The following RAPGEF4 variants were observed in gnomAD, a reference collection of about 807,000 sequenced individuals.
RAPGEF4 encodes RAP guanine-nucleotide-exchange factor (GEF) 4.
Under a neutral mutation model 147.9 loss-of-function variants are expected in RAPGEF4, and 66 were observed. The ratio of observed to expected loss-of-function variants is 0.45; its 90% CI spans 0.37 to 0.55. The LOEUF is 0.55. Ranked by LOEUF, RAPGEF4 falls within the 20% of genes least tolerant of loss-of-function variation. The pLI, the probability that RAPGEF4 is intolerant of heterozygous loss-of-function variation, is 0.00. For missense variants in RAPGEF4, 1,071 were observed against 1,257.3 expected, an observed-to-expected ratio of 0.85 and a Z score of 2.24; for synonymous variants, 419 against 442.7, an observed-to-expected ratio of 0.95 and a Z score of 0.67.
intron 3 of RAPGEF4, among the ~76,000 whole-genome samples, chr2:172,804,203 T>A (rs1192629218): frequency 6.6e-6 from 1 of 152,224 alleles, no homozygotes; most frequent in African/African-American, 2.4e-5. Flanking sequence ...ACATGGGGTG[T>A]AACTATTCTA....
chr2:172,794,903 C>G, intron 1 of RAPGEF4, 122 bp from the exon 2 acceptor site: 2 of 972,026 alleles, frequency 2.1e-6, no homozygotes, highest in Non-Finnish European at 3.1e-6. Flanking sequence ...TAAATATTTG[C>G]AATGAAATAT....
intron 4 of RAPGEF4, among the ~76,000 whole-genome samples, chr2:172,863,976 C>T (rs911569618): frequency 6.6e-6 from 1 of 152,046 alleles, no homozygotes; most frequent in Non-Finnish European, 1.5e-5. Context: ...CAATAATCAC[C>T]AGGATAGAAA....
chr2:172,885,935 G>A (rs1220359920), intron 4 of RAPGEF4, among the ~76,000 whole-genome samples: 1 of 152,178 alleles, frequency 6.6e-6, no homozygotes, highest in African/African-American at 2.4e-5. Flanking sequence ...GGTGCCCTGA[G>A]TGCCATGGCT....
At chr2:172,947,425 G>A (rs1477179310) in intron 6 of RAPGEF4, among the ~76,000 whole-genome samples, 1 of 152,096 alleles carries the variant, frequency 6.6e-6, no homozygotes, top group African/African-American at 2.4e-5. Flanking sequence ...TTCCAGAATC[G>A]CTGAAGGAAT....
Position 172,934,721 on chromosome 2 carries a change from A to G in RAPGEF4, c.537+12421A>G, listed in dbSNP as rs923395267. Among the ~76,000 whole-genome samples, 3 of 147,804 alleles carry G rather than the reference A, an allele frequency of 2.0e-5. No individual in the cohort carries two copies. The Admixed American group carries it at 2.1e-4, about 10-fold the overall frequency. On this transcript the variant is annotated intron_variant, in intron 6 of 30. Transcript: ENST00000397081. The stretch of plus-strand genomic sequence containing the variant: ...AGGATTTCTGAGACAACAGTGTTTC[A>G]TTTCATCTGTTATGGTTGCAGTAAA...
intron 4 of RAPGEF4, among the ~76,000 whole-genome samples, chr2:172,905,230 G>T (rs1699504955): frequency 6.6e-6 from 1 of 151,782 alleles, no homozygotes; most frequent in Admixed American, 6.6e-5. Context: ...TTCCTTTCCG[G>T]CATCTAGCGT....
chr2:172,755,155 G>A (rs1695653191), intron 1 of RAPGEF4, among the ~76,000 whole-genome samples: 1 of 152,150 alleles, frequency 6.6e-6, no homozygotes, highest in African/African-American at 2.4e-5. Context: ...CTACATTATG[G>A]TGATGAAAGC....
rs1408471136 is a variant in RAPGEF4 at position 172,735,971 on chromosome 2, G to C, written c.-13G>C. The C allele has an allele frequency of 2.7e-6, 4 of 1,457,832 alleles. No homozygotes were observed. Among genetic ancestry groups the C allele is most frequent in the Non-Finnish European group, 2.7e-6 (3 of 1,102,414 alleles). 90.3% of individuals were successfully genotyped at this position (1,457,832 alleles called of 1,614,324 possible). A position where few individuals can be genotyped will look rare whatever the true frequency, so the allele number is the denominator to read the frequency against. ...GTCGCCGCAGCCAGGGACACCGCGCGCCGCCGCTCAACATGGTCGCTGCGC... is the reference window on the plus strand; with the variant it reads ...GTCGCCGCAGCCAGGGACACCGCGCCCCGCCGCTCAACATGGTCGCTGCGC... On this transcript the variant is annotated 5_prime_UTR_variant, in exon 1 of 31. Transcript: ENST00000397081.
At chr2:172,934,147 C>CTTTT (rs5836396) in intron 6 of RAPGEF4, among the ~76,000 whole-genome samples, 54 of 99,118 alleles carry the variant, frequency 5.4e-4, no homozygotes, top group East Asian at 1.6e-3. Flanking sequence ...TTATTTAATC[C>CTTTT]TTTTTTTTTT....
At chr2:172,917,224 A>G (rs1684162962) in intron 4 of RAPGEF4, among the ~76,000 whole-genome samples, 1 of 152,226 alleles carries the variant, frequency 6.6e-6, no homozygotes, top group Admixed American at 6.5e-5. Flanking sequence ...AAATAGTTCT[A>G]AATTAAGCTA....
intron 1 of RAPGEF4, among the ~76,000 whole-genome samples, chr2:172,742,405 G>A (rs1694378175): frequency 1.3e-5 from 2 of 151,868 alleles, no homozygotes; most frequent in South Asian, 2.1e-4. Context: ...AATTTTCATT[G>A]TACCTCCATG....
At chr2:172,865,036 A>G (rs996617736) in intron 4 of RAPGEF4, among the ~76,000 whole-genome samples, 1 of 152,214 alleles carries the variant, frequency 6.6e-6, no homozygotes, top group Admixed American at 6.5e-5. Context: ...ACCAGGTCCA[A>G]TACCAACCCT....
chr2:173,047,897 C>G (rs955056542), intron 29 of RAPGEF4, among the ~76,000 whole-genome samples: 1 of 152,060 alleles, frequency 6.6e-6, no homozygotes, highest in Non-Finnish European at 1.5e-5. Flanking sequence ...AGGATGGTCT[C>G]GATCTCCTGA....
intron 8 of RAPGEF4, chr2:172,965,231 CG>C: frequency 3.5e-6 from 1 of 286,528 alleles, no homozygotes; most frequent in South Asian, 6.8e-5. Context: ...TTTCTGGGAC[CG>C]GCTCACTAGG....
chr2:172,749,544 C>G (rs1433899637), intron 1 of RAPGEF4, among the ~76,000 whole-genome samples: 2 of 152,242 alleles, frequency 1.3e-5, no homozygotes, highest in African/African-American at 4.8e-5. Context: ...CAGGGGGGCC[C>G]TGGGCCCAGC....
At chr2:172,796,929 T>G (rs897878254) in intron 2 of RAPGEF4, among the ~76,000 whole-genome samples, 6 of 152,200 alleles carry the variant, frequency 3.9e-5, no homozygotes, top group Admixed American at 2.6e-4. Context: ...AAACTTGGTC[T>G]TAATATGATA....
chr2:172,735,788 C>A, upstream of RAPGEF4: 1 of 243,270 alleles, frequency 4.1e-6, no homozygotes, highest in Non-Finnish European at 7.4e-6. Flanking sequence ...GCGTCCCGCC[C>A]CCCGGGTCCC....
At chr2:172,870,351 G>C (rs1030451356) in intron 4 of RAPGEF4, among the ~76,000 whole-genome samples, 3 of 152,124 alleles carry the variant, frequency 2.0e-5, no homozygotes, top group African/African-American at 7.2e-5. Flanking sequence ...TGGTAGGCCA[G>C]TTGCCAGTTC....
At chr2:173,001,448 A>G (rs1693913663) in intron 17 of RAPGEF4, 104 bp downstream of exon 17, 3 of 1,411,054 alleles carry the variant, frequency 2.1e-6, no homozygotes, top group South Asian at 1.2e-5. Flanking sequence ...TGGCCCAGGC[A>G]GAGTTGTGCA....
Sources: gnomAD v4.1 joint callset for allele counts (sites outside exome capture counted in the v4.1 genomes callset) on GRCh38, gnomAD v4.1.1 for gene constraint, MANE v1.5 for transcripts, NCBI Gene and HGNC (gene_info 2026-07-23, HGNC 2026-07-21) for gene names.